The following CSMD1 variants were observed in gnomAD, a reference collection of about 807,000 sequenced individuals.
The protein encoded by CSMD1 is CUB and Sushi multiple domains 1, also known as CUB and sushi domain-containing protein 1.
CSMD1 carries 213 observed loss-of-function variants against 417.5 expected under a neutral mutation model. The observed-to-expected ratio is 0.51, with a 90% CI of 0.46 to 0.57. CSMD1 has a LOEUF of 0.57. CSMD1 is among the 20% of genes least tolerant of loss of function. The probability of loss-of-function intolerance (pLI) is 0.00; values close to 1 mark genes in which losing one functional copy is unlikely to be tolerated. For synonymous variants in CSMD1, 2,862 were observed against 1,736.8 expected, an observed-to-expected ratio of 1.65 and a Z score of -16.11; for missense variants, 6,923 against 4,529.7, an observed-to-expected ratio of 1.53 and a Z score of -15.17.
chr8:4,909,332 T>A lies in CSMD1; in HGVS notation c.85+85000A>T, dbSNP rs1367839980. 2.0e-5 allele frequency among the ~76,000 whole-genome samples: 3 copies of A among 152,154 alleles called. No homozygotes were observed. In the East Asian group the frequency reaches 5.8e-4, roughly 29 times the overall value. ...TCCCAGCAAAATACCTCCTTTTACC[T>A]CCTTGCCTTCTACTACTTTTCCAGT... On this transcript the variant is annotated intron_variant, in intron 1 of 69. Coordinates refer to ENST00000635120, the MANE Select transcript of CSMD1 (RefSeq NM_033225.6).
intron 3 of CSMD1, among the ~76,000 whole-genome samples, chr8:4,144,870 G>A (rs1804015680): frequency 6.6e-6 from 1 of 151,106 alleles, no homozygotes; most frequent in East Asian, 1.9e-4. Flanking sequence ...GTCCCTGGGA[G>A]AAGCTGAAAT....
intron 5 of CSMD1, among the ~76,000 whole-genome samples, chr8:3,969,695 C>T (rs1812945385): frequency 1.3e-5 from 2 of 152,262 alleles, no homozygotes; most frequent in South Asian, 4.1e-4. Flanking sequence ...GGACATGGTT[C>T]ACACACCAAA....
chr8:3,527,233 T>A (rs944676700), intron 10 of CSMD1, among the ~76,000 whole-genome samples: 3 of 152,180 alleles, frequency 2.0e-5, no homozygotes, highest in East Asian at 1.9e-4. Context: ...CAAATGTTAA[T>A]TGGCTCCTAA....
At chr8:3,475,659 A>G (rs1272348638) in intron 11 of CSMD1, among the ~76,000 whole-genome samples, 1 of 152,238 alleles carries the variant, frequency 6.6e-6, no homozygotes, top group Middle Eastern at 3.2e-3. Context: ...GATTTCAGTG[A>G]AGATACTGCT....
At chr8:3,633,742 T>G (rs1026568827) in intron 7 of CSMD1, among the ~76,000 whole-genome samples, 2 of 152,186 alleles carry the variant, frequency 1.3e-5, no homozygotes, top group Non-Finnish European at 2.9e-5. Flanking sequence ...AAACACTGAT[T>G]TCCCTTCAGC....
chr8:4,705,871 G>A (rs894136841), intron 1 of CSMD1, among the ~76,000 whole-genome samples: 21 of 152,192 alleles, frequency 1.4e-4, no homozygotes, highest in Admixed American at 1.2e-3. Context: ...AAAATATACA[G>A]ATTCTTTCAT....
Position 3,455,633 on chromosome 8 carries a change from G to T in CSMD1, c.1561+13079C>A, listed in dbSNP as rs141637354. Among the ~76,000 whole-genome samples, 1,023 of 152,334 alleles carry T rather than the reference G, an allele frequency of 6.7e-3. 3 individuals carry two copies. Among genetic ancestry groups the T allele is most frequent in the Non-Finnish European group, 0.011 (753 of 68,038 alleles). ...CAGAGGCTGCAGAACAGTGGATATTGCTGAACAGCAAATGCTGCTGCCTGA... is the reference window on the plus strand; with the variant it reads ...CAGAGGCTGCAGAACAGTGGATATTTCTGAACAGCAAATGCTGCTGCCTGA... On this transcript the variant is annotated intron_variant, in intron 12 of 69. Transcript: ENST00000635120.
chr8:4,408,930 C>A (rs1486129011), intron 3 of CSMD1, among the ~76,000 whole-genome samples: 2 of 152,120 alleles, frequency 1.3e-5, no homozygotes, highest in Non-Finnish European at 2.9e-5. Flanking sequence ...CATCAGAAAT[C>A]ATAAATTTAC....
chr8:4,534,898 G>A (rs1797025021), intron 2 of CSMD1, among the ~76,000 whole-genome samples: 1 of 152,076 alleles, frequency 6.6e-6, no homozygotes, highest in African/African-American at 2.4e-5. Context: ...AAGTAGCTGG[G>A]ACTACAGGTG....
chr8:4,919,151 T>TA (rs1806267069), intron 1 of CSMD1, among the ~76,000 whole-genome samples: 2 of 152,178 alleles, frequency 1.3e-5, no homozygotes, highest in Non-Finnish European at 2.9e-5. Flanking sequence ...CATACTCAGT[T>TA]AAAATCACTA....
chr8:4,201,080 T>G (rs751889197), intron 3 of CSMD1, among the ~76,000 whole-genome samples: 1 of 152,164 alleles, frequency 6.6e-6, no homozygotes. Flanking sequence ...TAGATAACCT[T>G]GGGCCAATGT....
At chr8:3,697,604 C>T (rs1001424152) in intron 7 of CSMD1, among the ~76,000 whole-genome samples, 2 of 152,002 alleles carry the variant, frequency 1.3e-5, no homozygotes, top group Admixed American at 6.6e-5. Context: ...TAGCAGTTCC[C>T]CCTTCTGACT....
chr8:3,640,047 T>G (rs13276002), intron 7 of CSMD1, among the ~76,000 whole-genome samples: 74,493 of 151,622 alleles, frequency 0.49, 18,471 homozygotes, highest in Middle Eastern at 0.63. Flanking sequence ...ATGCATGCAT[T>G]AATCTAATTG....
At chr8:4,627,101 C>G (rs2130830659) in intron 2 of CSMD1, among the ~76,000 whole-genome samples, 1 of 152,202 alleles carries the variant, frequency 6.6e-6, no homozygotes, top group East Asian at 1.9e-4. Flanking sequence ...TCCCTTTGAA[C>G]TTATTCAGTA....
chr8:3,693,625 AAAAT>A (rs566454228), intron 7 of CSMD1, among the ~76,000 whole-genome samples: 169 of 152,348 alleles, frequency 1.1e-3, no homozygotes, highest in African/African-American at 3.9e-3. Flanking sequence ...GACAATAAAC[AAAAT>A]AAATAAATGT....
Position 4,033,424 on chromosome 8 carries a change from A to G in CSMD1, c.416-1325T>C, listed in dbSNP as rs539597241. Among the ~76,000 whole-genome samples the G allele has an allele frequency of 2.6e-5, 4 of 152,336 alleles. No homozygotes were observed. The East Asian group carries it at 7.7e-4, about 29-fold the overall frequency. ...ACCACTGCACTCCAGCGTGGGTGAC[A>G]GAGCGAGACTCCGCCTCAAAAAAAC... is the stretch of plus-strand genomic sequence containing the variant. On this transcript the variant is annotated intron_variant, in intron 3 of 69. Transcript: ENST00000635120.
chr8:3,384,968 A>G (rs111215981), intron 18 of CSMD1, among the ~76,000 whole-genome samples: 1 of 109,560 alleles, frequency 9.1e-6, no homozygotes, highest in Non-Finnish European at 1.7e-5. Context: ...TATAATATAT[A>G]TGCATATATA....
chr8:3,337,926 T>C (rs1807379059), intron 23 of CSMD1, among the ~76,000 whole-genome samples: 1 of 152,172 alleles, frequency 6.6e-6, no homozygotes, highest in Non-Finnish European at 1.5e-5. Context: ...TGGTGCTTTG[T>C]GGAAGGGAAG....
Position 4,590,912 on chromosome 8 carries a change from A to G in CSMD1, c.302+46430T>C, listed in dbSNP as rs1563315226. On this transcript the variant is annotated intron_variant, in intron 2 of 69. Coordinates refer to ENST00000635120, the MANE Select transcript of CSMD1 (RefSeq NM_033225.6). Reference sequence around the variant, plus strand: ...TCGTACACATTTCTGTGATACAACAATGCTCTCAGGCCTTCTGAGCTCTGC... The same window carrying G: ...TCGTACACATTTCTGTGATACAACAGTGCTCTCAGGCCTTCTGAGCTCTGC... Among the ~76,000 whole-genome samples, 3 of 152,218 alleles carry G rather than the reference A, an allele frequency of 2.0e-5. No homozygotes were observed. In the South Asian group the frequency reaches 6.2e-4, roughly 32 times the overall value.
Sources: gnomAD v4.1 joint callset for allele counts (sites outside exome capture counted in the v4.1 genomes callset) on GRCh38, gnomAD v4.1.1 for gene constraint, MANE v1.5 for transcripts, NCBI Gene and HGNC (gene_info 2026-07-23, HGNC 2026-07-21) for gene names.